MAPK10: variants seen among roughly 807,000 people sequenced by gnomAD.
MAPK10 encodes the protein JNK3 alpha protein kinase.
Under a neutral mutation model 59.3 loss-of-function variants are expected in MAPK10, and 25 were observed. The ratio of observed to expected loss-of-function variants is 0.42; its 90% CI spans 0.31 to 0.59. The LOEUF (loss-of-function observed/expected upper bound fraction) is 0.59, where lower values mean the gene tolerates loss of function less well. MAPK10 is among the 20% of genes least tolerant of loss of function. MAPK10 has a pLI of 0.15. For synonymous variants in MAPK10, 190 were observed against 200.5 expected (o/e 0.95, Z 0.44); for missense variants, 351 against 568.9 (o/e 0.62, Z 3.90).
chr4:86,426,637 C>T (rs1275462919), intron 1 of MAPK10, among the ~76,000 whole-genome samples: 1 of 152,146 alleles, frequency 6.6e-6, no homozygotes, highest in Non-Finnish European at 1.5e-5. Flanking sequence ...AAAAACACAT[C>T]AGGAAAGTTG....
intron 2 of MAPK10, among the ~76,000 whole-genome samples, chr4:86,270,600 C>T (rs2094404667): frequency 6.6e-6 from 1 of 152,160 alleles, no homozygotes; most frequent in South Asian, 2.1e-4. Context: ...TATCTACATA[C>T]ACCCTGTAAC....
At chr4:86,364,539 C>T (rs945317847), upstream of MAPK10, among the ~76,000 whole-genome samples, 1 of 152,098 alleles carries the variant, frequency 6.6e-6, no homozygotes, top group Non-Finnish European at 1.5e-5. Context: ...CTTACATACT[C>T]ATTTCAATTA....
intron 2 of MAPK10, among the ~76,000 whole-genome samples, chr4:86,200,530 A>C (rs911283124): frequency 6.6e-6 from 1 of 151,934 alleles, no homozygotes; most frequent in Non-Finnish European, 1.5e-5. Context: ...AATGTACCAT[A>C]GCTTGTTAAT....
At chr4:86,504,706 TC>T (rs1755595247) in intron 1 of MAPK10, among the ~76,000 whole-genome samples, 1 of 152,136 alleles carries the variant, frequency 6.6e-6, no homozygotes, top group Non-Finnish European at 1.5e-5. Flanking sequence ...CCCTCCACTT[TC>T]CACCCCATCC....
intron 1 of MAPK10, among the ~76,000 whole-genome samples, chr4:86,567,419 C>T (rs2149106886): frequency 6.6e-6 from 1 of 152,214 alleles, no homozygotes; most frequent in East Asian, 1.9e-4. Context: ...AGGGTTTCAC[C>T]ATATTGGTCA....
chr4:86,055,051 A>G (rs1164934984), intron 11 of MAPK10, among the ~76,000 whole-genome samples: 1 of 152,212 alleles, frequency 6.6e-6, no homozygotes, highest in Non-Finnish European at 1.5e-5. Flanking sequence ...TCACAGTACA[A>G]TATCACTGAG....
At chr4:86,372,564 G>GAAAGAAAGGAAAAGA in intron 1 of MAPK10, among the ~76,000 whole-genome samples, 1,699 of 78,596 alleles carry the variant, frequency 0.022, 58 homozygotes, top group South Asian at 0.039. Context: ...AAGAAAGAAA[G>GAAAGAAAGGAAAAGA]AAAGAAAAGA....
At chr4:86,052,518 C>T (rs1485685070) in intron 11 of MAPK10, among the ~76,000 whole-genome samples, 3 of 152,040 alleles carry the variant, frequency 2.0e-5, no homozygotes, top group Non-Finnish European at 4.4e-5. Flanking sequence ...CCAGAAGTTC[C>T]TCTAAGGAAC....
At chr4:86,185,977 T>C (rs1204647477) in intron 3 of MAPK10, among the ~76,000 whole-genome samples, 1 of 152,062 alleles carries the variant, frequency 6.6e-6, no homozygotes, top group Non-Finnish European at 1.5e-5. Flanking sequence ...AATGTTTGGG[T>C]TGGAGATAAA....
At chr4:86,580,898 G>A (rs989054253) in intron 1 of MAPK10, among the ~76,000 whole-genome samples, 4 of 152,016 alleles carry the variant, frequency 2.6e-5, no homozygotes, top group South Asian at 2.1e-4. Context: ...TACTTCCTGC[G>A]GATAAACAGC....
chr4:86,583,547 G>A (rs984004225), intron 1 of MAPK10, among the ~76,000 whole-genome samples: 2 of 152,184 alleles, frequency 1.3e-5, no homozygotes, highest in African/African-American at 4.8e-5. Context: ...GGTCTTGAAA[G>A]AGGATCGAAT....
chr4:86,137,745 A>G (rs1210795953), intron 4 of MAPK10, among the ~76,000 whole-genome samples: 40 of 137,054 alleles, frequency 2.9e-4, no homozygotes, highest in Middle Eastern at 3.7e-3. Context: ...TGAATCCAGG[A>G]GCTGGTTTTT....
At chr4:86,591,103 A>T (rs1763012116) in intron 1 of MAPK10, among the ~76,000 whole-genome samples, 1 of 151,924 alleles carries the variant, frequency 6.6e-6, no homozygotes, top group South Asian at 2.1e-4. Flanking sequence ...TATTTTTTTT[A>T]AATAAAGATG....
intron 3 of MAPK10, chr4:86,160,529 AT>A (rs2069244140): frequency 6.6e-6 from 1 of 152,128 alleles, no homozygotes; most frequent in South Asian, 2.1e-4. Flanking sequence ...CATTTAGGAG[AT>A]TTGTGGGCAG....
intron 2 of MAPK10, among the ~76,000 whole-genome samples, chr4:86,250,601 C>T (rs2093361821): frequency 6.6e-6 from 1 of 152,038 alleles, no homozygotes; most frequent in African/African-American, 2.4e-5. Flanking sequence ...TAAATTACAT[C>T]TCAATTTCAT....
At chr4:86,178,164 T>C (rs535707195) in intron 3 of MAPK10, among the ~76,000 whole-genome samples, 1 of 152,226 alleles carries the variant, frequency 6.6e-6, no homozygotes, top group South Asian at 2.1e-4. Flanking sequence ...AAAACCTTTT[T>C]CCCCCTACTG....
At chr4:86,490,667 CTTCT>C (rs1273117922) in intron 1 of MAPK10, among the ~76,000 whole-genome samples, 1 of 152,204 alleles carries the variant, frequency 6.6e-6, no homozygotes, top group Non-Finnish European at 1.5e-5. Context: ...TGGTACCTTC[CTTCT>C]AATTCACCCA....
At chr4:86,358,628 G>A (rs1306973191) in intron 1 of MAPK10, 1 of 152,036 alleles carries the variant, frequency 6.6e-6, no homozygotes, top group African/African-American at 2.4e-5. Context: ...GTTTAAGGGG[G>A]TAAAAGCAGA....
chr4:86,293,532 T>C (rs1395529189), intron 2 of MAPK10, among the ~76,000 whole-genome samples: 2 of 152,188 alleles, frequency 1.3e-5, no homozygotes, highest in Non-Finnish European at 2.9e-5. Flanking sequence ...TGTCAACATC[T>C]GAGAATCTCT....
Sources: allele counts gnomAD v4.1 joint callset (sites outside exome capture counted in the v4.1 genomes callset), GRCh38; gene constraint gnomAD v4.1.1; transcripts MANE v1.5; gene names NCBI Gene and HGNC (gene_info 2026-07-23, HGNC 2026-07-21).